WWOX: variants seen among roughly 807,000 people sequenced by gnomAD.
The protein encoded by WWOX is WW domain-containing oxidoreductase.
WWOX carries 69 observed loss-of-function variants against 46.2 expected under a neutral mutation model. The observed-to-expected ratio is 1.49, with a 90% CI of 1.23 to 1.82. WWOX has a LOEUF of 1.82. Among genes scored for constraint, WWOX ranks in the 40% most tolerant of loss-of-function variants. WWOX has a pLI of 0.00. For missense variants in WWOX, 919 were observed against 542.6 expected, an observed-to-expected ratio of 1.69 and a Z score of -6.89; for synonymous variants, 359 against 202.6, an observed-to-expected ratio of 1.77 and a Z score of -6.56.
intron 7 of WWOX, 112 bp from the exon 8 acceptor site, chr16:78,432,376 G>T: frequency 2.8e-6 from 4 of 1,439,400 alleles, no homozygotes; most frequent in Non-Finnish European, 3.8e-6. Flanking sequence ...AAAGTGCTCG[G>T]ATTACAGATG....
chr16:78,672,122 G>T (rs1020266721), intron 8 of WWOX, among the ~76,000 whole-genome samples: 1 of 152,096 alleles, frequency 6.6e-6, no homozygotes, highest in Non-Finnish European at 1.5e-5. Flanking sequence ...TTAGGATACC[G>T]GCAGGGCAGC....
intron 8 of WWOX, among the ~76,000 whole-genome samples, chr16:78,944,298 C>T (rs775688445): frequency 1.3e-5 from 2 of 152,152 alleles, no homozygotes; most frequent in African/African-American, 4.8e-5. Context: ...TCAGCCTCTA[C>T]CACATTGAAT....
chr16:78,310,480 G>T (rs754482917), intron 5 of WWOX, among the ~76,000 whole-genome samples: 1 of 152,216 alleles, frequency 6.6e-6, no homozygotes, highest in African/African-American at 2.4e-5. Context: ...TCACCAGATT[G>T]ATGCCTTTGG....
At chr16:78,756,166 T>C (rs2049641222) in intron 8 of WWOX, among the ~76,000 whole-genome samples, 1 of 152,168 alleles carries the variant, frequency 6.6e-6, no homozygotes, top group Non-Finnish European at 1.5e-5. Context: ...GAATTTCTAG[T>C]ATGTACTGCC....
chr16:78,461,043 G>A (rs559701965), intron 8 of WWOX, among the ~76,000 whole-genome samples: 10 of 152,344 alleles, frequency 6.6e-5, no homozygotes, highest in Non-Finnish European at 1.3e-4. Flanking sequence ...CACAGTGTTG[G>A]TGGTTGTTGA....
rs931762628 is a variant in WWOX at position 78,138,152 on chromosome 16, C to A, written c.409+22998C>A. 8.0e-5 allele frequency among the ~76,000 whole-genome samples: 12 copies of A among 150,702 alleles called. 3 individuals carry two copies. The highest frequency in any genetic ancestry group is 7.3e-4 in the Admixed American group (11 of 15,126). On this transcript the variant is annotated intron_variant, in intron 4 of 8. Coordinates refer to ENST00000566780, the MANE Select transcript of WWOX (RefSeq NM_016373.4). ...TGATGGTAGGACTGTAGAAGAGTCACAAAACATCACATGACAACGCCAGTC... is the reference window on the plus strand; with the variant it reads ...TGATGGTAGGACTGTAGAAGAGTCAAAAAACATCACATGACAACGCCAGTC...
At chr16:79,059,585 G>A (rs1384282277) in intron 8 of WWOX, among the ~76,000 whole-genome samples, 14 of 152,122 alleles carry the variant, frequency 9.2e-5, no homozygotes, top group African/African-American at 3.1e-4. Context: ...CCGCCTTCCG[G>A]GTTCAAGTGA....
intron 5 of WWOX, among the ~76,000 whole-genome samples, chr16:78,369,061 C>T (rs1395858922): frequency 3.4e-5 from 5 of 149,128 alleles, no homozygotes; most frequent in African/African-American, 1.2e-4. Context: ...TTTTCTTTCC[C>T]TTTTTTTTTT....
intron 8 of WWOX, among the ~76,000 whole-genome samples, chr16:78,626,194 G>A (rs1243632480): frequency 6.6e-6 from 1 of 151,552 alleles, no homozygotes; most frequent in Non-Finnish European, 1.5e-5. Flanking sequence ...GCAGTGGCGC[G>A]ATCTTGGCTC....
At chr16:78,496,897 A>G (rs901122130) in intron 8 of WWOX, among the ~76,000 whole-genome samples, 1 of 152,226 alleles carries the variant, frequency 6.6e-6, no homozygotes, top group Non-Finnish European at 1.5e-5. Context: ...TTGAAGCCAG[A>G]TGGCCTTGCT....
At chr16:78,383,283 A>C (rs554836665) in intron 5 of WWOX, among the ~76,000 whole-genome samples, 40 of 152,146 alleles carry the variant, frequency 2.6e-4, no homozygotes, top group Non-Finnish European at 4.9e-4. Flanking sequence ...AGGTTTTGCC[A>C]TTGTATTGTA....
intron 8 of WWOX, among the ~76,000 whole-genome samples, chr16:79,080,465 T>C (rs2048739810): frequency 6.6e-6 from 1 of 152,172 alleles, no homozygotes; most frequent in African/African-American, 2.4e-5. Flanking sequence ...AATTCAATTC[T>C]TCTCTTGCCA....
At chr16:78,676,401 C>A (rs1254314076) in intron 8 of WWOX, among the ~76,000 whole-genome samples, 1 of 134,204 alleles carries the variant, frequency 7.5e-6, no homozygotes, top group Non-Finnish European at 1.5e-5. Flanking sequence ...TCCATATTTA[C>A]TATTTTTTTT....
rs758484198 is a variant in WWOX, at chr16:78,728,055, C to CTTT, written c.1056+295328_1056+295330dup. Reference sequence around the variant, plus strand: ...TTCCTCTTTCCTCTCTCCCTCCTTCCTTTTTTTTTTTTTTTTTTTTTTTTT... The same window carrying CTTT: ...TTCCTCTTTCCTCTCTCCCTCCTTCCTTTTTTTTTTTTTTTTTTTTTTTTTTTT... On this transcript the variant is annotated intron_variant, in intron 8 of 8. Coordinates refer to ENST00000566780, the MANE Select transcript of WWOX (RefSeq NM_016373.4). Among the ~76,000 whole-genome samples, 400 of 86,774 alleles carry CTTT rather than the reference C, an allele frequency of 4.6e-3. 38 individuals are homozygous for CTTT. The highest frequency in any genetic ancestry group is 0.02 in the African/African-American group (339 of 16,966). 56.9% of individuals were successfully genotyped at this position (86,774 alleles called of 152,430 possible).
At chr16:78,509,444 A>C (rs7193802) in intron 8 of WWOX, among the ~76,000 whole-genome samples, 3,433 of 151,932 alleles carry the variant, frequency 0.023, 106 homozygotes, top group East Asian at 0.074. Context: ...GTCTCAAAAA[A>C]AAAAAAATAA....
intron 8 of WWOX, among the ~76,000 whole-genome samples, chr16:78,594,786 A>C (rs1217359018): frequency 3.3e-5 from 5 of 152,076 alleles, no homozygotes; most frequent in African/African-American, 1.2e-4. Flanking sequence ...AGCATTCAGA[A>C]AACTCTATAG....
At chr16:78,382,926 G>T (rs1287135037) in intron 5 of WWOX, among the ~76,000 whole-genome samples, 2 of 151,880 alleles carry the variant, frequency 1.3e-5, no homozygotes, top group East Asian at 1.9e-4. Context: ...TCATTGTTCT[G>T]TGTTCATGTT....
At chr16:78,878,017 C>G (rs117585302) in intron 8 of WWOX, among the ~76,000 whole-genome samples, 1 of 152,184 alleles carries the variant, frequency 6.6e-6, no homozygotes, top group Non-Finnish European at 1.5e-5. Context: ...TAGCAGGTCC[C>G]TTCTCTTTGC....
At position 79,018,921 on chromosome 16, in the gene WWOX, T is replaced by G. The variant is rs1243949506; in HGVS notation, c.1057-192687T>G. 2.6e-5 allele frequency among the ~76,000 whole-genome samples: 4 copies of G among 151,648 alleles called. No individual in the cohort carries two copies. In the East Asian group the frequency reaches 7.8e-4, roughly 30 times the overall value. ...ATCCCAACACTTTGGGAGGATAAGG[T>G]GGGCGGATCGCTTGAGCTCAGGAGT... On this transcript the variant is annotated intron_variant, in intron 8 of 8. Coordinates refer to ENST00000566780, the MANE Select transcript of WWOX (RefSeq NM_016373.4).
Sources: allele counts gnomAD v4.1 joint callset (sites outside exome capture counted in the v4.1 genomes callset), GRCh38; gene constraint gnomAD v4.1.1; transcripts MANE v1.5; gene names NCBI Gene and HGNC (gene_info 2026-07-23, HGNC 2026-07-21).